Variants in FOXP1 observed in about 807,000 individuals in gnomAD.
FOXP1 encodes forkhead box P1.
A neutral mutation model predicts 98.2 loss-of-function variants in FOXP1; 15 were observed. The ratio of observed to expected loss-of-function variants is 0.15; its 90% CI spans 0.10 to 0.24. The LOEUF is 0.24. FOXP1 is among the 10% of genes least tolerant of loss of function. The pLI, the probability that FOXP1 is intolerant of heterozygous loss-of-function variation, is 1.00. For missense variants in FOXP1, 633 were observed against 848.5 expected (o/e 0.75, Z 3.15); for synonymous variants, 371 against 314.5 (o/e 1.18, Z -1.90).
At chr3:71,520,712 C>T (rs773437676) in intron 2 of FOXP1, among the ~76,000 whole-genome samples, 4 of 152,206 alleles carry the variant, frequency 2.6e-5, no homozygotes, top group African/African-American at 9.7e-5. Flanking sequence ...AGAAACCTGT[C>T]GGTCTTGTGT....
chr3:71,425,872 C>G (rs2084110560), intron 3 of FOXP1, among the ~76,000 whole-genome samples: 2 of 152,194 alleles, frequency 1.3e-5, no homozygotes, highest in Non-Finnish European at 2.9e-5. Flanking sequence ...TATTCAAACT[C>G]TTGCAAATTT....
chr3:71,254,856 G>A (rs747519639), intron 5 of FOXP1, among the ~76,000 whole-genome samples: 3 of 152,174 alleles, frequency 2.0e-5, no homozygotes, highest in Non-Finnish European at 4.4e-5. Flanking sequence ...CTTATATGGA[G>A]AAAGCATTTC....
In FOXP1 at chr3:71,480,495, T is replaced by C. The variant is rs2090188272; in HGVS notation, c.-168+12931A>G. On this transcript the variant is annotated intron_variant, in intron 3 of 20. Transcript: ENST00000649528. The stretch of plus-strand genomic sequence containing the variant: ...GTTAAGAACAGTCACAATGTTTCGT[T>C]CCCAAATGATGGAGATAGTTTTGTC... Among the ~76,000 whole-genome samples the C allele has an allele frequency of 2.6e-5, 4 of 152,228 alleles. No individual in the cohort carries two copies. In the South Asian group the frequency reaches 8.3e-4, roughly 31 times the overall value.
intron 6 of FOXP1, among the ~76,000 whole-genome samples, chr3:71,178,816 G>T (rs773301517): frequency 1.3e-5 from 2 of 151,564 alleles, no homozygotes; most frequent in Non-Finnish European, 2.9e-5. Context: ...CCTGGGAGGC[G>T]GAGCTTGCAG....
intron 5 of FOXP1, among the ~76,000 whole-genome samples, chr3:71,265,897 C>T (rs2069597475): frequency 6.6e-6 from 1 of 152,178 alleles, no homozygotes; most frequent in South Asian, 2.1e-4. Context: ...GCTCATTTCA[C>T]ACCTCAGGAA....
chr3:71,391,717 A>G (rs888094272), intron 3 of FOXP1, among the ~76,000 whole-genome samples: 4 of 152,058 alleles, frequency 2.6e-5, no homozygotes, highest in African/African-American at 9.7e-5. Flanking sequence ...AAAATTCAAC[A>G]TTTTCCTTGT....
At chr3:71,142,017 G>A (rs1001628794) in intron 6 of FOXP1, among the ~76,000 whole-genome samples, 1 of 152,158 alleles carries the variant, frequency 6.6e-6, no homozygotes, top group African/African-American at 2.4e-5. Context: ...GAATTGTGTT[G>A]TTCAACTAAT....
At position 71,439,011 on chromosome 3, in the gene FOXP1, T is replaced by C. The variant is rs961688973; in HGVS notation, c.-168+54415A>G. Among the ~76,000 whole-genome samples, 7 of 152,172 alleles carry C rather than the reference T, an allele frequency of 4.6e-5. No individual in the cohort carries two copies. The East Asian group carries it at 1.4e-3, about 29-fold the overall frequency. On this transcript the variant is annotated intron_variant, in intron 3 of 20. Coordinates refer to ENST00000649528, the MANE Select transcript of FOXP1 (RefSeq NM_001349338.3). ...CTACAACCCGCTCTCCAAGGCTCTA[T>C]AGGAAGGAAGACACCAGCTCGCTGC...
chr3:71,275,462 C>T (rs1039969143), intron 5 of FOXP1, among the ~76,000 whole-genome samples: 5 of 152,204 alleles, frequency 3.3e-5, no homozygotes, highest in African/African-American at 1.2e-4. Flanking sequence ...AGTCAACAAC[C>T]CTAAGAGCTG....
intron 3 of FOXP1, among the ~76,000 whole-genome samples, chr3:71,376,075 G>A (rs1054030875): frequency 2.6e-5 from 4 of 152,018 alleles, no homozygotes; most frequent in South Asian, 2.1e-4. Context: ...TTTTGCTCAC[G>A]GAGCAAATTT....
At chr3:71,303,718 C>T (rs575530361) in intron 4 of FOXP1, among the ~76,000 whole-genome samples, 2 of 148,962 alleles carry the variant, frequency 1.3e-5, no homozygotes, top group Non-Finnish European at 3.0e-5. Flanking sequence ...ACTTCAAATA[C>T]TGAGTAAGAT....
intron 3 of FOXP1, among the ~76,000 whole-genome samples, chr3:71,463,731 T>C (rs1053269714): frequency 4.6e-5 from 7 of 152,210 alleles, no homozygotes; most frequent in African/African-American, 1.7e-4. Context: ...TGACTGCGTC[T>C]TGACCCCAAA....
chr3:71,085,392 C>T (rs2054928856), intron 7 of FOXP1, among the ~76,000 whole-genome samples: 1 of 152,176 alleles, frequency 6.6e-6, no homozygotes, highest in Non-Finnish European at 1.5e-5. Flanking sequence ...TCAAGCAATT[C>T]TCTTGCCTTG....
chr3:71,530,873 A>ACC (rs2043788134), intron 2 of FOXP1, among the ~76,000 whole-genome samples: 1 of 151,790 alleles, frequency 6.6e-6, no homozygotes, highest in Non-Finnish European at 1.5e-5. Context: ...GAAGAAAACT[A>ACC]CCCCCCAACC....
At chr3:71,199,249 T>A (rs1236149747) in intron 5 of FOXP1, among the ~76,000 whole-genome samples, 2 of 151,856 alleles carry the variant, frequency 1.3e-5, no homozygotes. Flanking sequence ...GGATTACAGA[T>A]GCCCACCACC....
chr3:71,196,719 A>G (rs2063323947), intron 6 of FOXP1, among the ~76,000 whole-genome samples: 1 of 152,176 alleles, frequency 6.6e-6, no homozygotes, highest in African/African-American at 2.4e-5. Flanking sequence ...CCCTTTTACT[A>G]TCTACTGCTG....
At chr3:71,399,724 T>G (rs1292908417) in intron 3 of FOXP1, among the ~76,000 whole-genome samples, 1 of 152,178 alleles carries the variant, frequency 6.6e-6, no homozygotes, top group African/African-American at 2.4e-5. Context: ...GTAAGTAAAA[T>G]GAATCCAAAA....
intron 7 of FOXP1, among the ~76,000 whole-genome samples, chr3:71,056,678 G>C (rs1167202240): frequency 6.6e-6 from 1 of 152,108 alleles, no homozygotes; most frequent in Non-Finnish European, 1.5e-5. Context: ...CCTCCAAAGT[G>C]GGCTCCAGCT....
intron 3 of FOXP1, among the ~76,000 whole-genome samples, chr3:71,439,858 A>G (rs940455054): frequency 6.6e-6 from 1 of 151,338 alleles, no homozygotes; most frequent in Admixed American, 6.6e-5. Flanking sequence ...AGGCAGGAGA[A>G]TTGCCTGAAC....
Sources: gnomAD v4.1 joint callset for allele counts (sites outside exome capture counted in the v4.1 genomes callset) on GRCh38, gnomAD v4.1.1 for gene constraint, MANE v1.5 for transcripts, NCBI Gene and HGNC (gene_info 2026-07-23, HGNC 2026-07-21) for gene names.